Variants in VAV2 observed in about 807,000 individuals in gnomAD.
The protein encoded by VAV2 is vav guanine nucleotide exchange factor 2.
A neutral mutation model predicts 132.5 loss-of-function variants in VAV2; 67 were observed. The ratio of observed to expected loss-of-function variants is 0.51; its 90% CI spans 0.42 to 0.62. The LOEUF (loss-of-function observed/expected upper bound fraction) is 0.62. Ranked by LOEUF, VAV2 falls within the 20% of genes least tolerant of loss-of-function variation. The pLI is 0.00. For missense variants in VAV2, 938 were observed against 1,153.6 expected (o/e 0.81, Z 2.71); for synonymous variants, 492 against 443.5 (o/e 1.11, Z -1.37).
chr9:133,905,697 G>T (rs1007743340), intron 2 of VAV2, among the ~76,000 whole-genome samples: 1 of 152,062 alleles, frequency 6.6e-6, no homozygotes, highest in Non-Finnish European at 1.5e-5. Flanking sequence ...CCAGCCCTGG[G>T]GGGTAGCCAC....
rs1267288828 is a variant in VAV2 at position 133,833,274 on chromosome 9, G to A, written c.449+998C>T. On this transcript the variant is annotated intron_variant, in intron 4 of 29. Coordinates refer to ENST00000371850, the MANE Select transcript of VAV2 (RefSeq NM_001134398.2). The surrounding 1 kb of genome is among the most constrained non-coding windows in gnomAD (Gnocchi z 5.6). ...CAAGCTAAAGGCAGCCCTGGATGTG[G>A]GCTGAGCAGTAAGACAGGGACAGCC... Among the ~76,000 whole-genome samples, 1 of 152,176 alleles carries A rather than the reference G, an allele frequency of 6.6e-6. No individual in the cohort carries two copies. Among genetic ancestry groups the A allele is most frequent in the East Asian group, 1.9e-4 (1 of 5,194 alleles).
At chr9:133,819,289 C>CA (rs370571874) in intron 4 of VAV2, among the ~76,000 whole-genome samples, 29,461 of 148,440 alleles carry the variant, frequency 0.2, 3,451 homozygotes, top group African/African-American at 0.33. Flanking sequence ...CTAAAAAATA[C>CA]AAAAAAAAAA....
At chr9:133,855,525 G>A (rs1837351915) in intron 3 of VAV2, among the ~76,000 whole-genome samples, 1 of 152,224 alleles carries the variant, frequency 6.6e-6, no homozygotes, top group African/African-American at 2.4e-5. Flanking sequence ...CTCAGCAAGA[G>A]GCTGTCTCTG....
At chr9:133,773,387 G>T (rs1465045486) in intron 25 of VAV2, among the ~76,000 whole-genome samples, 1 of 152,252 alleles carries the variant, frequency 6.6e-6, no homozygotes, top group African/African-American at 2.4e-5. Context: ...GGGTGAGCTG[G>T]AGAGTGGTGA....
rs1838565766 is a variant in VAV2 at position 133,883,109 on chromosome 9, G to GCT, written c.322-21679_322-21678dup. Among the ~76,000 whole-genome samples the GCT allele has an allele frequency of 6.6e-6, 1 of 152,160 alleles. No individual in the cohort carries two copies. Among genetic ancestry groups the GCT allele is most frequent in the Non-Finnish European group, 1.5e-5 (1 of 68,044 alleles). The stretch of plus-strand genomic sequence containing the variant: ...CATCCCTATGTCCCCACCCCCTGCT[G>GCT]CTCTCTCTGGATCCTTCCCTCCTAA... On this transcript the variant is annotated intron_variant, in intron 2 of 29. Coordinates refer to ENST00000371850, the MANE Select transcript of VAV2 (RefSeq NM_001134398.2). This position sits in a 1 kb window ranked among gnomAD's most constrained non-coding sequence, Gnocchi z 4.2.
intron 2 of VAV2, among the ~76,000 whole-genome samples, chr9:133,914,467 G>C (rs1218622583): frequency 6.7e-6 from 1 of 149,882 alleles, no homozygotes. Flanking sequence ...GACTTAGTGA[G>C]CCTGGAGGAC....
rs1182535931 is a variant in VAV2 at position 133,783,564 on chromosome 9, A to G, written c.1662T>C (p.Cys554=). ...TGTGTGCCCCGACGCCACACTTGGT[A>G]CACATGTATCCCTGGTAGAAGGTGC... is the stretch of plus-strand genomic sequence containing the variant. ...LRGTFYQGYM[C]TKCGVGAHKE... The change falls in exon 19 of 30, where the codon TGT becomes TGC. Residue 554 remains cysteine, a synonymous_variant. Coordinates refer to ENST00000371850, the MANE Select transcript of VAV2 (RefSeq NM_001134398.2). 6 of 1,613,866 alleles carry G rather than the reference A, an allele frequency of 3.7e-6. No individual in the cohort carries two copies. The highest frequency in any genetic ancestry group is 5.1e-6 in the Non-Finnish European group (6 of 1,179,960).
In VAV2 at chr9:133,764,055, C is replaced by T. The variant is rs565399399; in HGVS notation, c.*7G>A. On this transcript the variant is annotated 3_prime_UTR_variant, in exon 30 of 30. Transcript: ENST00000371850. Reference sequence around the variant, plus strand: ...AAAATCTGCGAGTCTTGTCCACGTTCCTGCCGTCACTGGATGCCCTCCTCT... The same window carrying T: ...AAAATCTGCGAGTCTTGTCCACGTTTCTGCCGTCACTGGATGCCCTCCTCT... 49 of 1,614,080 alleles carry T rather than the reference C, an allele frequency of 3.0e-5. No homozygotes were observed. The South Asian group carries it at 4.7e-4, about 16-fold the overall frequency.
intron 2 of VAV2, among the ~76,000 whole-genome samples, chr9:133,867,357 C>CCA (rs1837847844): frequency 6.6e-6 from 1 of 152,196 alleles, no homozygotes; most frequent in South Asian, 2.1e-4. Context: ...AAAAAGTGAC[C>CCA]CAATCACCCT....
chr9:133,885,458 C>T lies in VAV2; in HGVS notation c.322-24026G>A, dbSNP rs55950463. 8.0e-3 allele frequency among the ~76,000 whole-genome samples: 1,221 copies of T among 152,326 alleles called. 20 individuals are homozygous for T. The highest frequency in any genetic ancestry group is 0.027 in the African/African-American group (1,133 of 41,558). Reference sequence around the variant, plus strand: ...AACAAGTCTTGATCCAAGGGCACAGCGGTGGCCGGTACTTCCTGAGGGCCT... The same window carrying T: ...AACAAGTCTTGATCCAAGGGCACAGTGGTGGCCGGTACTTCCTGAGGGCCT... On this transcript the variant is annotated intron_variant, in intron 2 of 29. Coordinates refer to ENST00000371850, the MANE Select transcript of VAV2 (RefSeq NM_001134398.2). This position sits in a 1 kb window ranked among gnomAD's most constrained non-coding sequence, Gnocchi z 5.0.
At chr9:133,887,811 AG>A in intron 2 of VAV2, among the ~76,000 whole-genome samples, 1 of 134,130 alleles carries the variant, frequency 7.5e-6, no homozygotes, top group Admixed American at 7.2e-5. Flanking sequence ...CCCCCCACCC[AG>A]GGGCTGCTTT....
In VAV2 at chr9:133,776,913, TCA is replaced by T. The variant is rs999012494; in HGVS notation, c.1965+474_1965+475del. Among the ~76,000 whole-genome samples the T allele has an allele frequency of 3.9e-5, 6 of 152,200 alleles. No individual in the cohort carries two copies. The East Asian group carries it at 5.8e-4, about 15-fold the overall frequency. The stretch of plus-strand genomic sequence containing the variant: ...ACTCAAGGCTGCCTGCTGCCTTTCA[TCA>T]CAGAGCCGAGAATTCGCTCCATATC... On this transcript the variant is annotated intron_variant, in intron 23 of 29. Transcript: ENST00000371850.
At position 133,764,090 on chromosome 9, in the gene VAV2, G is replaced by A. The variant is rs143833447; in HGVS notation, c.2609C>T (p.Thr870Met). 2.8e-5 allele frequency: 45 copies of A among 1,613,722 alleles called. No homozygotes were observed. Among genetic ancestry groups the A allele is most frequent in the East Asian group, 2.2e-5 (1 of 44,884 alleles). Residue 870 changes from threonine to methionine, a missense_variant, in exon 30 of 30, where the codon ACG (threonine) becomes ATG (methionine). Physicochemically the swap from Thr to Met is moderately conservative, Grantham distance 81. Coordinates refer to ENST00000371850, the MANE Select transcript of VAV2 (RefSeq NM_001134398.2). ...CTGGATGCCCTCCTCTTCTACGTAC[G>A]TTGAAGGAAACCAGCCAATCTGAAA... ...TNGRIGWFPS[T>M]YVEEEGIQ is the part of the protein sequence containing the mutation.
At chr9:133,958,476 T>C (rs1485234016) in intron 1 of VAV2, among the ~76,000 whole-genome samples, 4 of 150,814 alleles carry the variant, frequency 2.7e-5, no homozygotes, top group Non-Finnish European at 5.9e-5. Context: ...CAAAGATCTT[T>C]GTTCACGTGT....
chr9:133,927,445 G>T (rs961274364), intron 2 of VAV2, among the ~76,000 whole-genome samples: 2 of 152,206 alleles, frequency 1.3e-5, no homozygotes, highest in African/African-American at 4.8e-5. Context: ...CAGCCCAGAG[G>T]CTCTTGTCCC....
intron 2 of VAV2, among the ~76,000 whole-genome samples, chr9:133,933,518 G>A (rs1323849071): frequency 9.9e-5 from 15 of 151,394 alleles, no homozygotes; most frequent in Admixed American, 3.3e-4. Flanking sequence ...ATGGATGGAT[G>A]AATGATGGAC....
At chr9:133,767,521 T>C (rs1343535723) in intron 29 of VAV2, among the ~76,000 whole-genome samples, 1 of 152,186 alleles carries the variant, frequency 6.6e-6, no homozygotes, top group Non-Finnish European at 1.5e-5. Context: ...CTTCAGGCAC[T>C]TTTAATGCCA....
At chr9:133,817,147 A>T (rs1277481404) in intron 4 of VAV2, among the ~76,000 whole-genome samples, 2 of 152,252 alleles carry the variant, frequency 1.3e-5, no homozygotes, top group African/African-American at 4.8e-5. Flanking sequence ...GTCTTCCTTA[A>T]TTTCTCTCAG....
At chr9:133,971,296 C>T (rs1304780070) in intron 1 of VAV2, among the ~76,000 whole-genome samples, 3 of 152,182 alleles carry the variant, frequency 2.0e-5, no homozygotes, top group Admixed American at 2.0e-4. Context: ...TGATCCTGAT[C>T]GTCACCATCT....
Sources: gnomAD v4.1 joint callset for allele counts (sites outside exome capture counted in the v4.1 genomes callset) on GRCh38, gnomAD v4.1.1 for gene constraint, Gnocchi (gnomAD v3.1) non-coding constraint, MANE v1.5 for transcripts, NCBI Gene and HGNC (gene_info 2026-07-23, HGNC 2026-07-21) for gene names.